AKR1B15: variants seen among roughly 807,000 people sequenced by gnomAD.
AKR1B15 encodes the protein aldo-keto reductase family 1 member B15.
In AKR1B15, 49 loss-of-function variants were observed where a neutral mutation model predicts 38.5. That is an observed-to-expected ratio of 1.27 (90% CI 1.01 to 1.62). AKR1B15 has a LOEUF of 1.62. AKR1B15 is among the 40% of genes most tolerant of loss of function. AKR1B15 has a pLI of 0.00. For synonymous variants in AKR1B15, 137 were observed against 135.5 expected, an observed-to-expected ratio of 1.01 and a Z score of -0.08; for missense variants, 411 against 381.6, an observed-to-expected ratio of 1.08 and a Z score of -0.64.
At chr7:134,569,709 A>G (rs968331292) in intron 5 of AKR1B15, 180 bp downstream of exon 5, 63 of 584,250 alleles carry the variant, frequency 1.1e-4, no homozygotes, top group African/African-American at 7.3e-4. Context: ...CTTTACTGCA[A>G]TCTCTGAACA....
intron 2 of AKR1B15, among the ~76,000 whole-genome samples, chr7:134,558,593 A>G (rs1794282349): frequency 6.6e-6 from 1 of 152,120 alleles, no homozygotes; most frequent in African/African-American, 2.4e-5. Context: ...ACTCTAATAA[A>G]CCACTTAACT....
At position 134,578,601 on chromosome 7, in the gene AKR1B15, A is replaced by G. The variant is rs1221688947; in HGVS notation, c.992+815A>G. On this transcript the variant is annotated intron_variant, in intron 11 of 11. Transcript: ENST00000457545. ...CTGATTAATGTGTCTAATTACATATATCAAATAGAATTGTCTGGCATTTAT... is the reference window on the plus strand; with the variant it reads ...CTGATTAATGTGTCTAATTACATATGTCAAATAGAATTGTCTGGCATTTAT... Among the ~76,000 whole-genome samples the G allele has an allele frequency of 2.0e-5, 3 of 152,262 alleles. No individual in the cohort carries two copies. In the East Asian group the frequency reaches 5.8e-4, roughly 29 times the overall value.
chr7:134,560,031 C>T (rs1290565685), intron 2 of AKR1B15, among the ~76,000 whole-genome samples: 1 of 152,082 alleles, frequency 6.6e-6, no homozygotes, highest in East Asian at 1.9e-4. Flanking sequence ...TTGCTTGAAC[C>T]CGGGAGGCAG....
chr7:134,563,333 C>G (rs1280473226), intron 2 of AKR1B15, among the ~76,000 whole-genome samples: 4 of 152,184 alleles, frequency 2.6e-5, no homozygotes, highest in African/African-American at 9.6e-5. Flanking sequence ...TTTGGCAGGC[C>G]GAGGTGGGTG....
chr7:134,568,485 C>T (rs536492498), intron 4 of AKR1B15, among the ~76,000 whole-genome samples, 160 bp downstream of exon 4: 86 of 152,334 alleles, frequency 5.6e-4, no homozygotes, highest in African/African-American at 1.7e-3. Context: ...TACTCCAAGC[C>T]GTTATTGATA....
chr7:134,567,171 G>A (rs1473227414), intron 3 of AKR1B15, among the ~76,000 whole-genome samples: 2 of 152,156 alleles, frequency 1.3e-5, no homozygotes, highest in Non-Finnish European at 2.9e-5. Context: ...TCTCTGTTTT[G>A]TGTACTTTTC....
rs1233486572 is a variant in AKR1B15 at position 134,575,985 on chromosome 7, A to C, written c.743+58A>C. On this transcript the variant is annotated intron_variant, in intron 8 of 11. Coordinates refer to ENST00000457545, the MANE Select transcript of AKR1B15 (RefSeq NM_001080538.3). The stretch of plus-strand genomic sequence containing the variant: ...ATAATCTTAAAAACATTATTTTATA[A>C]TTGGTAAATGTCGGTATGGGTCCAT... The C allele has an allele frequency of 7.0e-6, 11 of 1,580,268 alleles. No individual in the cohort carries two copies. In the African/African-American group the frequency reaches 8.1e-5, roughly 12 times the overall value.
intron 3 of AKR1B15, among the ~76,000 whole-genome samples, chr7:134,566,908 C>G (rs375957778): frequency 2.0e-5 from 3 of 152,304 alleles, no homozygotes; most frequent in East Asian, 1.9e-4. Flanking sequence ...ATAAATGGAA[C>G]AAATAATCAC....
chr7:134,579,302 T>A (rs1460697931), intron 11 of AKR1B15, among the ~76,000 whole-genome samples: 1 of 152,160 alleles, frequency 6.6e-6, no homozygotes. Context: ...TCTGCTGCCC[T>A]GCTCACTGTC....
rs148920861 is a variant in AKR1B15 at position 134,573,811 on chromosome 7, C to A, written c.514-1609C>A. On this transcript the variant is annotated intron_variant, in intron 6 of 11. Transcript: ENST00000457545. The stretch of plus-strand genomic sequence containing the variant: ...CTCAACGTTGGCTGGGCATTAGAAT[C>A]ACCTGAGGAATTTAAAAATCCCAAT... Among the ~76,000 whole-genome samples the A allele has an allele frequency of 5.2e-3, 797 of 152,294 alleles. 9 individuals are homozygous for A. Among genetic ancestry groups the A allele is most frequent in the African/African-American group, 0.014 (590 of 41,556 alleles).
In AKR1B15 at chr7:134,577,095, C is replaced by G. The variant is rs758394092; in HGVS notation, c.909+49C>G. The G allele has an allele frequency of 3.3e-6, 5 of 1,534,186 alleles. No individual in the cohort carries two copies. In the South Asian group the frequency reaches 5.6e-5, roughly 17 times the overall value. ...TGGTATTCCTCAGTGGAGTGGGGGA[C>G]AGGCAGACCTTCTCACTAGGCTTCT... On this transcript the variant is annotated intron_variant, in intron 10 of 11. Transcript: ENST00000457545.
rs529728895 is a variant in AKR1B15 at position 134,557,146 on chromosome 7, T to C, written c.-23+287T>C. Among the ~76,000 whole-genome samples, 3 of 152,296 alleles carry C rather than the reference T, an allele frequency of 2.0e-5. No homozygotes were observed. The South Asian group carries it at 6.2e-4, about 32-fold the overall frequency. ...CCTGGAGTACCAAAGTACCAAAGCATGTTTAACTGGAATCCCTGGCTAACT... is the reference window on the plus strand; with the variant it reads ...CCTGGAGTACCAAAGTACCAAAGCACGTTTAACTGGAATCCCTGGCTAACT... On this transcript the variant is annotated intron_variant, in intron 2 of 11. Coordinates refer to ENST00000457545, the MANE Select transcript of AKR1B15 (RefSeq NM_001080538.3).
At chr7:134,567,569 C>T (rs1479185278) in intron 3 of AKR1B15, among the ~76,000 whole-genome samples, 2 of 151,976 alleles carry the variant, frequency 1.3e-5, no homozygotes, top group African/African-American at 2.4e-5. Context: ...TCCATTTTGC[C>T]GACAAGGTTT....
At chr7:134,569,181 T>G (rs969476966) in intron 4 of AKR1B15, among the ~76,000 whole-genome samples, 12 of 152,336 alleles carry the variant, frequency 7.9e-5, no homozygotes, top group African/African-American at 2.6e-4. Context: ...TCTGAGACAC[T>G]TATAGAGTAC....
At chr7:134,556,294 A>C (rs1168654862) in intron 1 of AKR1B15, among the ~76,000 whole-genome samples, 1 of 152,178 alleles carries the variant, frequency 6.6e-6, no homozygotes, top group Non-Finnish European at 1.5e-5. Context: ...GACGGGATAC[A>C]TCACCTCCTT....
intron 3 of AKR1B15, chr7:134,565,685 G>T: frequency 1.4e-6 from 2 of 1,467,048 alleles, no homozygotes; most frequent in East Asian, 2.5e-5. Context: ...CTGGGACTCG[G>T]GTTGCTTTCT....
chr7:134,564,839 G>A, intron 3 of AKR1B15, 70 bp downstream of exon 3: 1 of 538,410 alleles, frequency 1.9e-6, no homozygotes, highest in Non-Finnish European at 3.3e-6. Flanking sequence ...ATGGGGGATT[G>A]AGAGGTGAAG....
At chr7:134,565,247 T>A in intron 3 of AKR1B15, 1 of 584,986 alleles carries the variant, frequency 1.7e-6, no homozygotes, top group Non-Finnish European at 2.9e-6. Flanking sequence ...AGTCTGCGGC[T>A]TCATTCTTGA....
intron 9 of AKR1B15, 52 bp downstream of exon 9, chr7:134,576,482 A>G (rs1794770881): frequency 1.3e-6 from 2 of 1,594,152 alleles, no homozygotes; most frequent in Non-Finnish European, 8.6e-7. Flanking sequence ...TTCCAGTCTC[A>G]TGTTTCATTT....
Sources: gnomAD v4.1 joint callset for allele counts (sites outside exome capture counted in the v4.1 genomes callset) on GRCh38, gnomAD v4.1.1 for gene constraint, MANE v1.5 for transcripts, NCBI Gene and HGNC (gene_info 2026-07-23, HGNC 2026-07-21) for gene names.